PGLYRP2: variants seen among roughly 807,000 people sequenced by gnomAD.
PGLYRP2 encodes the protein peptidoglycan recognition protein 2.
In PGLYRP2, 38 loss-of-function variants were observed where a neutral mutation model predicts 46.2. The observed-to-expected ratio is 0.82, with a 90% CI of 0.64 to 1.08. The LOEUF (loss-of-function observed/expected upper bound fraction) is 1.08, where lower values mean the gene tolerates loss of function less well. Among genes scored for constraint, PGLYRP2 ranks in the 50% least tolerant of loss-of-function variants. The pLI is 0.00. For missense variants in PGLYRP2, 713 were observed against 755.9 expected (o/e 0.94, Z 0.67); for synonymous variants, 289 against 329.4 (o/e 0.88, Z 1.33).
rs541529451 is a variant in PGLYRP2, at chr19:15,470,833, G to A, written c.1344-904C>T. Among the ~76,000 whole-genome samples, 9 of 150,840 alleles carry A rather than the reference G, an allele frequency of 6.0e-5. No homozygotes were observed. In the South Asian group the frequency reaches 1.9e-3, roughly 32 times the overall value. ...CTAATTTTGTATTTTTAGTAGAGACGGGGTTTCTCCATGTTGGCCAGGCTG... is the reference window on the plus strand; with the variant it reads ...CTAATTTTGTATTTTTAGTAGAGACAGGGTTTCTCCATGTTGGCCAGGCTG... On this transcript the variant is annotated intron_variant, in intron 3 of 4. Coordinates refer to ENST00000340880, the MANE Select transcript of PGLYRP2 (RefSeq NM_052890.4).
Position 15,479,348 on chromosome 19 carries a change from G to C in PGLYRP2, c.24C>G (p.Ile8Met). MAQGVLW[I>M]LLGLLLWSDP... ...CTGACCACAGTAGCAATCCGAGTAG[G>C]ATCCAGAGGACACCCTGGGCCATTG... Residue 8 changes from isoleucine to methionine, a missense_variant, in exon 1 of 5, where the codon ATC (isoleucine) becomes ATG (methionine). Ile to Met is a conservative substitution (Grantham distance 10, BLOSUM62 1). Coordinates refer to ENST00000340880, the MANE Select transcript of PGLYRP2 (RefSeq NM_052890.4). 1 of 1,614,096 alleles carries C rather than the reference G, an allele frequency of 6.2e-7. No individual in the cohort carries two copies. The highest frequency in any genetic ancestry group is 8.5e-7 in the Non-Finnish European group (1 of 1,180,004).
At position 15,476,274 on chromosome 19, in the gene PGLYRP2, C is replaced by A. The variant is rs777421571; in HGVS notation, c.396G>T (p.Leu132=). Residue 132 remains leucine, a synonymous_variant, in exon 2 of 5, where the codon CTG becomes CTT. Transcript: ENST00000340880. The part of the protein sequence containing the change: ...EPLLAGLEAG[L]QGRRVINLPL... ...GCAAATTTATGACCCTGCGCCCTTGCAGCCCTGCCTCCAGCCCCGCCAGCA... is the reference window on the plus strand; with the variant it reads ...GCAAATTTATGACCCTGCGCCCTTGAAGCCCTGCCTCCAGCCCCGCCAGCA... The A allele has an allele frequency of 5.0e-6, 8 of 1,614,052 alleles. No individual in the cohort carries two copies. In the Admixed American group the frequency reaches 1.2e-4, roughly 24 times the overall value.
Position 15,475,570 on chromosome 19 carries a change from T to C in PGLYRP2, c.1100A>G (p.Asn367Ser), listed in dbSNP as rs752659784. 4.5e-5 allele frequency: 73 copies of C among 1,609,476 alleles called. No individual in the cohort carries two copies. The highest frequency in any genetic ancestry group is 6.2e-5 in the Non-Finnish European group (73 of 1,177,084). The change falls in exon 2 of 5, where the codon AAT (asparagine) becomes AGT (serine). Residue 367 changes from asparagine (N) to serine (S), a missense_variant. Coordinates refer to ENST00000340880, the MANE Select transcript of PGLYRP2 (RefSeq NM_052890.4). ...GGCCTCAGTGAATTCCTTGGTAGCA[T>C]TGGCAGCCACCTGGGCCAGCTGTTC... is the stretch of plus-strand genomic sequence containing the variant. ...SQEQLAQVAA[N>S]ATKEFTEAFL...
At chr19:15,470,241 T>TTTCTTTCC (rs1970732689) in intron 3 of PGLYRP2, among the ~76,000 whole-genome samples, 2 of 100,002 alleles carry the variant, frequency 2.0e-5, no homozygotes, top group Non-Finnish European at 4.0e-5. Context: ...GTTTTTTTTC[T>TTTCTTTCC]TTCCTTCCTT....
Position 15,479,420 on chromosome 19 carries a change from G to A in PGLYRP2, c.-49C>T, listed in dbSNP as rs767387133. 4 of 1,580,562 alleles carry A rather than the reference G, an allele frequency of 2.5e-6. No homozygotes were observed. The Admixed American group carries it at 7.0e-5, about 28-fold the overall frequency. ...GGGGTATTTCTGGTTGGCCTCGGCA[G>A]AGAACCTCGGCAGTGCTGGAGGGAG... On this transcript the variant is annotated 5_prime_UTR_variant, in exon 1 of 5. Coordinates refer to ENST00000340880, the MANE Select transcript of PGLYRP2 (RefSeq NM_052890.4).
intron 2 of PGLYRP2, among the ~76,000 whole-genome samples, chr19:15,474,713 G>GA (rs1206117268): frequency 6.6e-6 from 1 of 152,210 alleles, no homozygotes; most frequent in African/African-American, 2.4e-5. Flanking sequence ...TGTTGGCTGG[G>GA]CATGGTGGCT....
Position 15,475,869 on chromosome 19 carries a change from C to G in PGLYRP2, c.801G>C (p.Leu267=). Residue 267 remains leucine (L), a synonymous_variant, in exon 2 of 5, where the codon CTG becomes CTC. Transcript: ENST00000340880. ...TFTLLDPKAS[L]LTMAFLNGAL... is the part of the protein sequence containing the mutation. ...CGCCATTGAGGAAGGCCATGGTTAA[C>G]AGAGATGCCTTGGGGTCCAAAAGCG... The G allele has an allele frequency of 6.2e-7, 1 of 1,614,058 alleles. No homozygotes were observed. Among genetic ancestry groups the G allele is most frequent in the Non-Finnish European group, 8.5e-7 (1 of 1,180,014 alleles).
rs1360425538 is a variant in PGLYRP2 at position 15,469,291 on chromosome 19, G to T, written c.1641+341C>A. On this transcript the variant is annotated intron_variant, in intron 4 of 4. Transcript: ENST00000340880. The surrounding 1 kb of genome is among the most constrained non-coding windows in gnomAD (Gnocchi z 4.9). The stretch of plus-strand genomic sequence containing the variant: ...TGACTTGGGTAGAGAAGTCATGAAG[G>T]CCAGGCTGAGGTTGTGAGGGCAGAG... 1 of 613,788 alleles carries T rather than the reference G, an allele frequency of 1.6e-6. No individual in the cohort carries two copies. The allele number at this position is 613,788 out of a possible 1,614,324, so 38.0% of individuals were successfully genotyped here.
At chr19:15,474,156 G>A (rs1970774434) in intron 2 of PGLYRP2, among the ~76,000 whole-genome samples, 1 of 152,092 alleles carries the variant, frequency 6.6e-6, no homozygotes, top group Non-Finnish European at 1.5e-5. Flanking sequence ...GGCCAACATG[G>A]TGAAACTCTG....
At chr19:15,477,712 A>G (rs1204118883) in intron 1 of PGLYRP2, among the ~76,000 whole-genome samples, 1 of 82,638 alleles carries the variant, frequency 1.2e-5, no homozygotes, top group African/African-American at 5.1e-5. Flanking sequence ...TAAAATAAAT[A>G]AAATAAAATT....
Position 15,479,380 on chromosome 19 carries a change from G to T in PGLYRP2, c.-9C>A, listed in dbSNP as rs1043814467. 12 of 1,613,650 alleles carry T rather than the reference G, an allele frequency of 7.4e-6. No homozygotes were observed. The highest frequency in any genetic ancestry group is 9.3e-6 in the Non-Finnish European group (11 of 1,179,838). On this transcript the variant is annotated 5_prime_UTR_variant, in exon 1 of 5. Transcript: ENST00000340880. ...AGGACACCCTGGGCCATTGTTGCAGGATTCCAGCTTCCAAGGGGTATTTCT... is the reference window on the plus strand; with the variant it reads ...AGGACACCCTGGGCCATTGTTGCAGTATTCCAGCTTCCAAGGGGTATTTCT...
chr19:15,469,705 C>A lies in PGLYRP2; in HGVS notation c.1568G>T (p.Arg523Leu). ...GGGGCAGTCGGTGCGCACCAGCTGGCGGTGGCCCAGCAGCGCGTAGTCTGG... is the reference window on the plus strand; with the variant it reads ...GGGGCAGTCGGTGCGCACCAGCTGGAGGTGGCCCAGCAGCGCGTAGTCTGG... ...LRPDYALLGH[R>L]QLVRTDCPGD... Residue 523 changes from arginine (R) to leucine (L), a missense_variant, in exon 4 of 5, where the codon CGC becomes CTC. Physicochemically the swap from Arg to Leu is moderately radical, Grantham distance 102 (BLOSUM62 -2). Coordinates refer to ENST00000340880, the MANE Select transcript of PGLYRP2 (RefSeq NM_052890.4). The surrounding 1 kb of genome is among the most constrained non-coding windows in gnomAD (Gnocchi z 4.9). The A allele has an allele frequency of 6.6e-7, 1 of 1,514,232 alleles. No homozygotes were observed. 93.8% of individuals were successfully genotyped at this position (1,514,232 alleles called of 1,614,324 possible).
intron 2 of PGLYRP2, among the ~76,000 whole-genome samples, chr19:15,473,450 A>G (rs1287298313): frequency 3.2e-5 from 4 of 126,918 alleles, no homozygotes; most frequent in South Asian, 2.7e-4. Context: ...AGCCTGGGCA[A>G]CAGAGCAAAA....
intron 3 of PGLYRP2, among the ~76,000 whole-genome samples, chr19:15,471,327 G>T (rs1355912774): frequency 1.3e-5 from 2 of 151,304 alleles, no homozygotes; most frequent in African/African-American, 2.4e-5. Context: ...TGTTAGCCAG[G>T]ATGGTCTCAA....
chr19:15,469,085 C>G lies in PGLYRP2; in HGVS notation c.1642-333G>C. On this transcript the variant is annotated intron_variant, in intron 4 of 4. Coordinates refer to ENST00000340880, the MANE Select transcript of PGLYRP2 (RefSeq NM_052890.4). The surrounding 1 kb of genome is among the most constrained non-coding windows in gnomAD (Gnocchi z 4.9). ...AGGAGTCAGGGACGAAACAAGCAAC[C>G]TCAGAGTTGAGATTGTCTGGACAGA... 1.9e-6 allele frequency: 1 copy of G among 520,730 alleles called. No individual in the cohort carries two copies. The highest frequency in any genetic ancestry group is 3.4e-6 in the Non-Finnish European group (1 of 293,338). 32.3% of individuals were successfully genotyped at this position (520,730 alleles called of 1,614,324 possible).
At chr19:15,478,969 T>A (rs1970822080) in intron 1 of PGLYRP2, among the ~76,000 whole-genome samples, 1 of 152,260 alleles carries the variant, frequency 6.6e-6, no homozygotes. Flanking sequence ...AGAATCTAGG[T>A]TCTTCTCCAG....
In PGLYRP2 at chr19:15,475,882, G is replaced by T. The variant is rs773808477; in HGVS notation, c.788C>A (p.Pro263His). Residue 263 changes from proline (P) to histidine (H), a missense_variant, in exon 2 of 5, where the codon CCC becomes CAC. Physicochemically the swap from Pro to His is moderately conservative, Grantham distance 77. Transcript: ENST00000340880. The stretch of plus-strand genomic sequence containing the variant: ...GGCCATGGTTAACAGAGATGCCTTG[G>T]GGTCCAAAAGCGTAAAGGTCCGAGG... ...SAPRTFTLLD[P>H]KASLLTMAFL... The T allele has an allele frequency of 1.2e-6, 2 of 1,613,992 alleles. No homozygotes were observed. Among genetic ancestry groups the T allele is most frequent in the African/African-American group, 2.7e-5 (2 of 74,906 alleles).
rs757856368 is a variant in PGLYRP2, at chr19:15,479,497, C to T, written c.-126G>A. The T allele has an allele frequency of 1.1e-5, 10 of 931,438 alleles. No individual in the cohort carries two copies. Among genetic ancestry groups the T allele is most frequent in the African/African-American group, 3.3e-5 (2 of 61,114 alleles). 57.7% of individuals were successfully genotyped at this position (931,438 alleles called of 1,614,324 possible). A position where few individuals can be genotyped will look rare whatever the true frequency, so the allele number is the denominator to read the frequency against. On this transcript the variant is annotated 5_prime_UTR_variant, in exon 1 of 5. Coordinates refer to ENST00000340880, the MANE Select transcript of PGLYRP2 (RefSeq NM_052890.4). ...TTTGACCACTGTCAAAGTCCAGCGGCGAATGACAGACCTGCCTCTCGTAGA... is the reference window on the plus strand; with the variant it reads ...TTTGACCACTGTCAAAGTCCAGCGGTGAATGACAGACCTGCCTCTCGTAGA...
intron 2 of PGLYRP2, 53 bp from the exon 3 acceptor site, chr19:15,472,153 C>G: frequency 6.9e-7 from 1 of 1,456,806 alleles, no homozygotes; most frequent in Non-Finnish European, 9.3e-7. Context: ...TCTGCCTGTT[C>G]CTCCACCCGC....
Sources: gnomAD v4.1 joint callset for allele counts (sites outside exome capture counted in the v4.1 genomes callset) on GRCh38, gnomAD v4.1.1 for gene constraint, Gnocchi (gnomAD v3.1) non-coding constraint, MANE v1.5 for transcripts, NCBI Gene and HGNC (gene_info 2026-07-23, HGNC 2026-07-21) for gene names.